The following DND1 variants were observed in gnomAD, a reference collection of about 807,000 sequenced individuals.
DND1 encodes DND microRNA-mediated repression inhibitor 1, also known as dead end protein homolog 1.
In DND1, 6 loss-of-function variants were observed where a neutral mutation model predicts 30.4. The ratio of observed to expected loss-of-function variants is 0.20; its 90% CI spans 0.11 to 0.39. DND1 has a LOEUF of 0.39. Among genes scored for constraint, DND1 ranks in the 10% least tolerant of loss-of-function variants. The pLI is 1.00. For synonymous variants in DND1, 178 were observed against 210.4 expected (o/e 0.85, Z 1.33); for missense variants, 358 against 474.9 (o/e 0.75, Z 2.29).
At position 140,671,655 on chromosome 5, in the gene DND1, G is replaced by A. The variant is rs747080694; in HGVS notation, c.700C>T (p.Arg234Trp). Reference sequence around the variant, plus strand: ...TGGCTGCCCTCTGGCTGTGGGGACCGCAAGAAGGGACCCACAAGCTGCTGG... The same window carrying A: ...TGGCTGCCCTCTGGCTGTGGGGACCACAAGAAGGGACCCACAAGCTGCTGG... ...LRQQLVGPFLRSPQPEGSQLA... is the reference protein window; with the variant it reads ...LRQQLVGPFLWSPQPEGSQLA... Residue 234 changes from arginine (R) to tryptophan (W), a missense_variant, in exon 4 of 4, where the codon CGG becomes TGG. Physicochemically the swap from Arg to Trp is moderately radical, Grantham distance 101. Around this residue, in one of 3 missense-constraint regions of DND1, gnomAD observed 176 missense variants for 235.2 expected, o/e 0.75. Coordinates refer to ENST00000542735, the MANE Select transcript of DND1 (RefSeq NM_194249.3). The A allele has an allele frequency of 1.6e-5, 26 of 1,580,638 alleles. No homozygotes were observed. The East Asian group carries it at 2.8e-4, about 17-fold the overall frequency.
chr5:140,673,357 T>C lies in DND1; in HGVS notation c.56A>G (p.Lys19Arg). The C allele has an allele frequency of 1.2e-6, 2 of 1,614,110 alleles. No homozygotes were observed. Among genetic ancestry groups the C allele is most frequent in the Non-Finnish European group, 1.7e-6 (2 of 1,179,972 alleles). Residue 19 changes from lysine to arginine, a missense_variant, in exon 2 of 4, where the codon AAG (lysine) becomes AGG (arginine). Physicochemically the swap from Lys to Arg is conservative, Grantham distance 26. Transcript: ENST00000542735. ...CCTGACCCACGCCTCCAGCGCCGCC[T>C]TGTTCTCTGGATTCACCCTCTCACA... Reference protein sequence around the residue: ...LWCERVNPENKAALEAWVRET... With the variant: ...LWCERVNPENRAALEAWVRET...
intron 1 of DND1, 24 bp downstream of exon 1, chr5:140,673,470 ACCCCCGCTCCGGCGGGGCTCGCCGG>A: frequency 3.1e-6 from 5 of 1,611,226 alleles, no homozygotes; most frequent in East Asian, 2.2e-5. Context: ...CCTAAAGCCG[ACCCCCGCTCCGGCGGGGCTCGCCGG>A]CCCCCAAGTC....
At chr5:140,672,281 G>T in intron 3 of DND1, 164 bp downstream of exon 3, 1 of 733,762 alleles carries the variant, frequency 1.4e-6, no homozygotes. Context: ...GTAAGCGGTG[G>T]TGGTAGCACC....
Position 140,671,391 on chromosome 5 carries a change from C to G in DND1, c.964G>C (p.Asp322His). ...TGCAGCAGCCGTACAGACACAGCAT[C>G]CTTGGCCACCTCATGCCCATCCCGG... is the stretch of plus-strand genomic sequence containing the variant. Reference protein sequence around the residue: ...DGRDGHEVAKDAVSVRLLQAL... With the variant: ...DGRDGHEVAKHAVSVRLLQAL... The change falls in exon 4 of 4, where the codon GAT becomes CAT. Residue 322 changes from aspartate to histidine, a missense_variant. Transcript: ENST00000542735. 1 of 1,612,602 alleles carries G rather than the reference C, an allele frequency of 6.2e-7. No individual in the cohort carries two copies. The highest frequency in any genetic ancestry group is 1.3e-5 in the African/African-American group (1 of 75,054).
intron 2 of DND1, 91 bp from the exon 3 acceptor site, chr5:140,672,997 G>T: frequency 1.4e-6 from 2 of 1,408,192 alleles, no homozygotes; most frequent in Non-Finnish European, 1.9e-6. Flanking sequence ...GAGGCGATGT[G>T]AACAAAGGTC....
Position 140,671,587 on chromosome 5 carries a change from C to T in DND1, c.768G>A (p.Arg256=), listed in dbSNP as rs1360385506. 8 of 1,568,466 alleles carry T rather than the reference C, an allele frequency of 5.1e-6. No homozygotes were observed. The African/African-American group carries it at 6.8e-5, about 13-fold the overall frequency. Residue 256 remains arginine, a synonymous_variant, in exon 4 of 4, where the codon CGG becomes CGA. Coordinates refer to ENST00000542735, the MANE Select transcript of DND1 (RefSeq NM_194249.3). ...GTTGGCACAGCAACTGCAGGGTAGCCCGAGCCCCTTGGAACCCTAACTTGT... is the reference window on the plus strand; with the variant it reads ...GTTGGCACAGCAACTGCAGGGTAGCTCGAGCCCCTTGGAACCCTAACTTGT... The part of the protein sequence containing the change: ...ARDKLGFQGA[R]ATLQLLCQRM...
chr5:140,671,775 G>T, intron 3 of DND1, 25 bp from the exon 4 acceptor site: 1 of 1,555,174 alleles, frequency 6.4e-7, no homozygotes, highest in East Asian at 2.4e-5. Context: ...CAAAGACAAG[G>T]GCAGGTCTAA....
chr5:140,671,698 G>T lies in DND1; in HGVS notation c.657C>A (p.Asp219Glu). ...EQVAVEWLKP[D>E]LKQRLRQQLV... ...GCTGCTGGCGAAGTCGCTGCTTCAG[G>T]TCTGGCTTGAGCCACTCCACAGCCA... Residue 219 changes from aspartate (D) to glutamate (E), a missense_variant, in exon 4 of 4, where the codon GAC becomes GAA. Physicochemically the swap from Asp to Glu is conservative, Grantham distance 45 (BLOSUM62 2). This residue lies in a region of DND1 where 176 missense variants were observed against 235.2 expected (regional missense o/e 0.75). Coordinates refer to ENST00000542735, the MANE Select transcript of DND1 (RefSeq NM_194249.3). 6.3e-7 allele frequency: 1 copy of T among 1,585,438 alleles called. No individual in the cohort carries two copies. The highest frequency in any genetic ancestry group is 8.6e-7 in the Non-Finnish European group (1 of 1,165,706).
intron 3 of DND1, 102 bp downstream of exon 3, chr5:140,672,343 G>T: frequency 7.8e-7 from 1 of 1,276,992 alleles, no homozygotes; most frequent in Non-Finnish European, 1.1e-6. Context: ...GCAAATTCTG[G>T]CATGTTTGAC....
In DND1 at chr5:140,672,599, G is replaced by A. The variant is rs978440615; in HGVS notation, c.450C>T (p.Thr150=). The A allele has an allele frequency of 3.2e-6, 5 of 1,572,854 alleles. No individual in the cohort carries two copies. Among genetic ancestry groups the A allele is most frequent in the East Asian group, 2.3e-5 (1 of 43,220 alleles). The change falls in exon 3 of 4, where the codon ACC becomes ACT. Residue 150 remains threonine (T), a synonymous_variant. Coordinates refer to ENST00000542735, the MANE Select transcript of DND1 (RefSeq NM_194249.3). ...GCAGCGCGAGCAGCAGCGCGCTGCG[G>A]GTCAGATTCGGCGGCAGGCCGTCAA... The part of the protein sequence containing the change: ...LSVDGLPPNL[T]RSALLLALQP...
chr5:140,672,089 T>C (rs1254693338), intron 3 of DND1: 2 of 542,568 alleles, frequency 3.7e-6, no homozygotes, highest in Non-Finnish European at 6.6e-6. Flanking sequence ...TTAATTCTCA[T>C]AACAGTCTGA....
At position 140,671,626 on chromosome 5, in the gene DND1, C is replaced by T; in HGVS notation, c.729G>A (p.Leu243=). Residue 243 remains leucine (L), a synonymous_variant, in exon 4 of 4, where the codon TTG becomes TTA. Transcript: ENST00000542735. ...LRSPQPEGSQ[L]ALARDKLGFQ... ...ACCCTAACTTGTCCCTTGCCAAAGC[C>T]AACTGGCTGCCCTCTGGCTGTGGGG... The T allele has an allele frequency of 6.3e-7, 1 of 1,575,754 alleles. No individual in the cohort carries two copies. Among genetic ancestry groups the T allele is most frequent in the Non-Finnish European group, 8.6e-7 (1 of 1,161,096 alleles).
Position 140,672,777 on chromosome 5 carries a change from A to G in DND1, c.272T>C (p.Met91Thr), listed in dbSNP as rs1317184699. Residue 91 changes from methionine (M) to threonine (T), a missense_variant, in exon 3 of 4, where the codon ATG becomes ACG. Physicochemically the swap from Met to Thr is moderately conservative, Grantham distance 81. Around this residue, in one of 3 missense-constraint regions of DND1, gnomAD observed 120 missense variants for 199.1 expected, o/e 0.60. Transcript: ENST00000542735. Reference sequence around the variant, plus strand: ...GCCGCGGTTCAGGCCGCTGAAGGTCATCATCAGGCGGAACTCGTAGAGGCG... The same window carrying G: ...GCCGCGGTTCAGGCCGCTGAAGGTCGTCATCAGGCGGAACTCGTAGAGGCG... The part of the protein sequence containing the change: ...VGRLYEFRLM[M>T]TFSGLNRGFA... The G allele has an allele frequency of 1.9e-6, 3 of 1,587,702 alleles. No homozygotes were observed. The highest frequency in any genetic ancestry group is 2.6e-6 in the Non-Finnish European group (3 of 1,173,962).
Position 140,672,573 on chromosome 5 carries a change from T to C in DND1, c.476A>G (p.Gln159Arg). The C allele has an allele frequency of 6.3e-7, 1 of 1,580,868 alleles. No individual in the cohort carries two copies. The highest frequency in any genetic ancestry group is 8.5e-7 in the Non-Finnish European group (1 of 1,169,642). The change falls in exon 3 of 4, where the codon CAG (glutamine) becomes CGG (arginine). Residue 159 changes from glutamine to arginine, a missense_variant. By Grantham distance (43) the Gln-to-Arg change is conservative. Transcript: ENST00000542735. ...LTRSALLLAL[Q>R]PLGPGLQEAR... The stretch of plus-strand genomic sequence containing the variant: ...CTCCTGCAAGCCGGGACCCAGCGGC[T>C]GCAGCGCGAGCAGCAGCGCGCTGCG...
intron 1 of DND1, 58 bp downstream of exon 1, chr5:140,673,461 C>T (rs531936231): frequency 6.2e-7 from 1 of 1,613,208 alleles, no homozygotes; most frequent in African/African-American, 1.3e-5. Flanking sequence ...ACTGGGGTCC[C>T]TAAAGCCGAC....
intron 3 of DND1, chr5:140,672,030 T>G: frequency 1.7e-6 from 1 of 578,268 alleles, no homozygotes; most frequent in Non-Finnish European, 3.1e-6. Context: ...CTGGGAAAAC[T>G]TGCTGTAAGT....
chr5:140,673,396 G>A lies in DND1; in HGVS notation c.25-8C>T. 4 of 1,614,118 alleles carry A rather than the reference G, an allele frequency of 2.5e-6. No individual in the cohort carries two copies. Among genetic ancestry groups the A allele is most frequent in the East Asian group, 2.2e-5 (1 of 44,862 alleles). On this transcript the variant is annotated splice_region_variant and splice_polypyrimidine_tract_variant and intron_variant, in intron 1 of 3. Coordinates refer to ENST00000542735, the MANE Select transcript of DND1 (RefSeq NM_194249.3). Reference sequence around the variant, plus strand: ...CACCCTCTCACACCACAGCTGAGAGGGAAAGGAAGGTTGGAATGGCGGATC... The same window carrying A: ...CACCCTCTCACACCACAGCTGAGAGAGAAAGGAAGGTTGGAATGGCGGATC...
rs911633533 is a variant in DND1 at position 140,672,161 on chromosome 5, T to C, written c.604+284A>G. 1.8e-5 allele frequency: 10 copies of C among 566,046 alleles called. No homozygotes were observed. In the Admixed American group the frequency reaches 1.9e-4, roughly 11 times the overall value. The allele number at this position is 566,046 out of a possible 1,614,324, so 35.1% of individuals were successfully genotyped here. ...ATTCCCTTGAGCAAATCAATTTCTC[T>C]AACAGTTTCCTCATAGCTTGAGGGT... On this transcript the variant is annotated intron_variant, in intron 3 of 3. Coordinates refer to ENST00000542735, the MANE Select transcript of DND1 (RefSeq NM_194249.3).
Position 140,670,823 on chromosome 5 carries a change from A to T in DND1, c.*470T>A. 4.3e-6 allele frequency: 1 copy of T among 232,182 alleles called. No individual in the cohort carries two copies. The highest frequency in any genetic ancestry group is 8.7e-6 in the Non-Finnish European group (1 of 115,504). The allele number at this position is 232,182 out of a possible 1,614,324, so 14.4% of individuals were successfully genotyped here. A position where few individuals can be genotyped will look rare whatever the true frequency, so the allele number is the denominator to read the frequency against. ...TACTAACCAGGGGTTTAATATAAAT[A>T]CAACCAGCATAGAAAGACCCAAAAC... On this transcript the variant is annotated 3_prime_UTR_variant, in exon 4 of 4. Coordinates refer to ENST00000542735, the MANE Select transcript of DND1 (RefSeq NM_194249.3).
Sources: gnomAD v4.1 joint callset for allele counts on GRCh38, gnomAD v4.1.1 for gene constraint, gnomAD v4.1.1 regional missense constraint, MANE v1.5 for transcripts, NCBI Gene and HGNC (gene_info 2026-07-23, HGNC 2026-07-21) for gene names.